ELOVL2: variants seen among roughly 807,000 people sequenced by gnomAD.
ELOVL2 encodes the protein ELOVL fatty acid elongase 2, also known as very long chain fatty acid elongase 2.
In ELOVL2, 38 loss-of-function variants were observed where a neutral mutation model predicts 37.7. The observed-to-expected ratio is 1.01, with a 90% CI of 0.78 to 1.32. The LOEUF is 1.32. Among genes scored for constraint, ELOVL2 ranks in the 40% most tolerant of loss-of-function variants. The probability of loss-of-function intolerance (pLI) is 0.00; values close to 1 mark genes in which losing one functional copy is unlikely to be tolerated. For missense variants in ELOVL2, 352 were observed against 363.6 expected, an observed-to-expected ratio of 0.97 and a Z score of 0.26; for synonymous variants, 115 against 122.3, an observed-to-expected ratio of 0.94 and a Z score of 0.40.
At chr6:11,005,170 G>A (rs1782458064) in intron 3 of ELOVL2, among the ~76,000 whole-genome samples, 2 of 151,842 alleles carry the variant, frequency 1.3e-5, no homozygotes, top group South Asian at 2.1e-4. Context: ...AAAAAAAAAA[G>A]AAATAGGTCT....
intron 1 of ELOVL2, among the ~76,000 whole-genome samples, chr6:11,013,832 C>A (rs937939391): frequency 6.7e-6 from 1 of 149,966 alleles, no homozygotes; most frequent in Non-Finnish European, 1.5e-5. Context: ...TCAAGGCCCC[C>A]TTCTGGTCAT....
chr6:10,988,762 C>T (rs897436334), intron 7 of ELOVL2, among the ~76,000 whole-genome samples: 1 of 152,206 alleles, frequency 6.6e-6, no homozygotes, highest in Admixed American at 6.5e-5. Flanking sequence ...AATTTAAAAT[C>T]TACATCCACC....
chr6:10,988,822 GGCTTTGAAACT>G (rs1782093787), intron 7 of ELOVL2, among the ~76,000 whole-genome samples: 1 of 152,166 alleles, frequency 6.6e-6, no homozygotes. Flanking sequence ...ACAACAGAGT[GGCTTTGAAACT>G]GCATTTTGAA....
intron 1 of ELOVL2, among the ~76,000 whole-genome samples, chr6:11,036,351 T>A (rs3846851): frequency 0.84 from 128,021 of 152,196 alleles, 54,398 homozygotes; most frequent in African/African-American, 0.96. Flanking sequence ...CTTTGTATTC[T>A]TGAGTTTGAT....
intron 1 of ELOVL2, among the ~76,000 whole-genome samples, chr6:11,027,057 A>ATCCTGTCAAAGG: frequency 6.6e-6 from 1 of 152,154 alleles, no homozygotes; most frequent in Non-Finnish European, 1.5e-5. Context: ...CCTCCTGTCT[A>ATCCTGTCAAAGG]ATGGAAATTT....
intron 1 of ELOVL2, among the ~76,000 whole-genome samples, chr6:11,029,291 T>C (rs551414657): frequency 6.7e-6 from 1 of 148,412 alleles, no homozygotes; most frequent in Non-Finnish European, 1.5e-5. Flanking sequence ...AGGGCAGGAG[T>C]TTTACGCAGG....
intron 1 of ELOVL2, among the ~76,000 whole-genome samples, chr6:11,036,992 A>AG (rs996199090): frequency 2.0e-5 from 3 of 150,882 alleles, no homozygotes; most frequent in African/African-American, 7.3e-5. Flanking sequence ...AGAGAGACAG[A>AG]GGAGGCAGAG....
chr6:11,001,350 G>C (rs2113501588), intron 3 of ELOVL2, among the ~76,000 whole-genome samples: 1 of 152,256 alleles, frequency 6.6e-6, no homozygotes, highest in East Asian at 1.9e-4. Context: ...TCCTGAATGG[G>C]ATCTACTACA....
At chr6:11,024,134 C>A (rs531285529) in intron 1 of ELOVL2, among the ~76,000 whole-genome samples, 1 of 152,098 alleles carries the variant, frequency 6.6e-6, no homozygotes, top group Non-Finnish European at 1.5e-5. Flanking sequence ...TTACAGATGA[C>A]GAGAGGCAAA....
rs551269781 is a variant in ELOVL2 at position 11,015,378 on chromosome 6, G to C, written c.4-4569C>G. 5.3e-4 allele frequency among the ~76,000 whole-genome samples: 81 copies of C among 152,204 alleles called. No homozygotes were observed. The South Asian group carries it at 0.014, about 26-fold the overall frequency. On this transcript the variant is annotated intron_variant, in intron 1 of 7. Transcript: ENST00000354666. ...AGTAAAATGTGCAGAAAAGACTCAA[G>C]ACAACCAAAAATGGATCTATGTAAT...
Position 10,983,779 on chromosome 6 carries a change from T to A in ELOVL2, c.*2A>T. 6.2e-7 allele frequency: 1 copy of A among 1,602,020 alleles called. No individual in the cohort carries two copies. The highest frequency in any genetic ancestry group is 8.5e-7 in the Non-Finnish European group (1 of 1,176,418). On this transcript the variant is annotated 3_prime_UTR_variant, in exon 8 of 8. Coordinates refer to ENST00000354666, the MANE Select transcript of ELOVL2 (RefSeq NM_017770.4). The stretch of plus-strand genomic sequence containing the variant: ...TATATGTGCTTTTTCTGTTACTCAT[T>A]TTTATTGTGCTTTCTTGTTCATCAC...
intron 1 of ELOVL2, among the ~76,000 whole-genome samples, chr6:11,035,437 T>C (rs57257464): frequency 0.086 from 13,144 of 152,206 alleles, 1,709 homozygotes; most frequent in African/African-American, 0.28. Context: ...CCTAGGTCCA[T>C]GCTCCTTCTA....
intron 1 of ELOVL2, among the ~76,000 whole-genome samples, chr6:11,016,261 A>T (rs1047141252): frequency 4.8e-5 from 7 of 145,910 alleles, no homozygotes; most frequent in Admixed American, 1.4e-4. Flanking sequence ...AAATCCAGTG[A>T]TTCAAGATCT....
intron 2 of ELOVL2, among the ~76,000 whole-genome samples, chr6:11,006,715 TGATAGA>T (rs1255797262): frequency 6.6e-6 from 1 of 152,174 alleles, no homozygotes; most frequent in Non-Finnish European, 1.5e-5. Flanking sequence ...CTCCCATTGG[TGATAGA>T]GATAAAAAGG....
At chr6:10,988,966 G>C (rs1398127177) in intron 7 of ELOVL2, among the ~76,000 whole-genome samples, 1 of 152,160 alleles carries the variant, frequency 6.6e-6, no homozygotes, top group Non-Finnish European at 1.5e-5. Flanking sequence ...AGCTGATAAG[G>C]AACCAATTTT....
At chr6:11,031,440 T>C (rs1782928570) in intron 1 of ELOVL2, among the ~76,000 whole-genome samples, 1 of 152,238 alleles carries the variant, frequency 6.6e-6, no homozygotes, top group South Asian at 2.1e-4. Context: ...TTGCAATTCC[T>C]TATTACTACT....
intron 5 of ELOVL2, among the ~76,000 whole-genome samples, chr6:10,993,010 CAG>C (rs201281833): frequency 6.6e-6 from 1 of 152,172 alleles, no homozygotes; most frequent in East Asian, 1.9e-4. Context: ...CTGGGCAACA[CAG>C]AGAGACCTTG....
At chr6:10,998,763 G>A (rs944745556) in intron 4 of ELOVL2, among the ~76,000 whole-genome samples, 4 of 152,122 alleles carry the variant, frequency 2.6e-5, no homozygotes, top group African/African-American at 7.2e-5. Flanking sequence ...AATCTTTTCT[G>A]GAGAAAATTC....
chr6:11,001,378 G>C (rs531366943), intron 3 of ELOVL2, among the ~76,000 whole-genome samples: 2 of 152,298 alleles, frequency 1.3e-5, no homozygotes, highest in East Asian at 3.9e-4. Flanking sequence ...TCATTTCCCA[G>C]TATCTCCCAG....
Sources: gnomAD v4.1 joint callset for allele counts (sites outside exome capture counted in the v4.1 genomes callset) on GRCh38, gnomAD v4.1.1 for gene constraint, MANE v1.5 for transcripts, NCBI Gene and HGNC (gene_info 2026-07-23, HGNC 2026-07-21) for gene names.